The following DYSF variants were observed in gnomAD, a reference collection of about 807,000 sequenced individuals.
DYSF encodes the protein dystrophy-associated fer-1-like 1.
Under a neutral mutation model 274.9 loss-of-function variants are expected in DYSF, and 212 were observed. That is an observed-to-expected ratio of 0.77 (90% CI 0.69 to 0.86). DYSF has a LOEUF of 0.86. DYSF is among the 40% of genes least tolerant of loss of function. DYSF has a pLI of 0.00. For missense variants in DYSF, 2,666 were observed against 2,783.2 expected (o/e 0.96, Z 0.95); for synonymous variants, 1,091 against 1,078.7 (o/e 1.01, Z -0.22).
chr2:71,564,587 C>G (rs1381709736), intron 24 of DYSF, among the ~76,000 whole-genome samples: 4 of 152,308 alleles, frequency 2.6e-5, no homozygotes, highest in Admixed American at 1.3e-4. Context: ...CTTGCATGAC[C>G]TGGCTTCCAC....
intron 17 of DYSF, among the ~76,000 whole-genome samples, chr2:71,548,002 G>A (rs527751686): frequency 1.4e-4 from 22 of 152,296 alleles, no homozygotes; most frequent in African/African-American, 4.3e-4. Flanking sequence ...TGCTCTCCTC[G>A]GGCCTGCAGC....
At chr2:71,598,077 T>C (rs2093449532) in intron 32 of DYSF, among the ~76,000 whole-genome samples, 1 of 152,168 alleles carries the variant, frequency 6.6e-6, no homozygotes, top group Non-Finnish European at 1.5e-5. Context: ...ATTTTATGTC[T>C]ATTCTTCAAG....
chr2:71,483,522 G>A (rs994136150), intron 3 of DYSF, among the ~76,000 whole-genome samples: 1 of 152,174 alleles, frequency 6.6e-6, no homozygotes, highest in African/African-American at 2.4e-5. Context: ...AGGTCTCACA[G>A]GTGGGACTCA....
Position 71,668,741 on chromosome 2 carries a change from C to G in DYSF, c.5458-13C>G, listed in dbSNP as rs766666241. 9 of 1,612,616 alleles carry G rather than the reference C, an allele frequency of 5.6e-6. No homozygotes were observed. In the East Asian group the frequency reaches 2.0e-4, roughly 36 times the overall value. ...TGAGAAGGGTGGGGAGAGAACGGAC[C>G]CTGTCTCCGCAGGGGAAGCTGCAGA... On this transcript the variant is annotated splice_polypyrimidine_tract_variant and intron_variant, in intron 48 of 55. Coordinates refer to ENST00000410020, the MANE Select transcript of DYSF (RefSeq NM_001130987.2).
chr2:71,685,949 A>G (rs1573229044), intron 55 of DYSF, among the ~76,000 whole-genome samples: 1 of 152,130 alleles, frequency 6.6e-6, no homozygotes, highest in Non-Finnish European at 1.5e-5. Flanking sequence ...TGGGTCATCC[A>G]CGACAGCCCA....
chr2:71,518,034 C>T (rs2152738366), intron 10 of DYSF, among the ~76,000 whole-genome samples: 1 of 152,224 alleles, frequency 6.6e-6, no homozygotes, highest in South Asian at 2.1e-4. Context: ...GCTCTCTGCC[C>T]TGACATCACT....
rs2095290228 is a variant in DYSF, at chr2:71,681,069, C to A, written c.6132C>A (p.Gly2044=). 1 of 1,614,190 alleles carries A rather than the reference C, an allele frequency of 6.2e-7. No homozygotes were observed. The highest frequency in any genetic ancestry group is 8.5e-7 in the Non-Finnish European group (1 of 1,180,040). ...ATGAGGAGCGGCCTGCTGGCCAGGG[C>A]CGGGATGAGCCCAACATGAACCCTA... ...SEHEERPAGQ[G]RDEPNMNPKL... The change falls in exon 54 of 56, where the codon GGC becomes GGA. Residue 2044 remains glycine, a synonymous_variant. Transcript: ENST00000410020.
intron 30 of DYSF, among the ~76,000 whole-genome samples, chr2:71,583,732 C>T (rs1333831284): frequency 3.3e-5 from 5 of 152,136 alleles, no homozygotes; most frequent in East Asian, 1.9e-4. Context: ...CTGGTGGGCT[C>T]GATCTTGGTA....
chr2:71,508,815 C>A (rs1174137201), intron 4 of DYSF, among the ~76,000 whole-genome samples: 1 of 152,180 alleles, frequency 6.6e-6, no homozygotes, highest in Non-Finnish European at 1.5e-5. Context: ...TGTCATCTAA[C>A]CTTTACCCGT....
intron 32 of DYSF, among the ~76,000 whole-genome samples, chr2:71,593,582 C>T (rs2093331832): frequency 1.3e-5 from 2 of 152,226 alleles, no homozygotes; most frequent in African/African-American, 4.8e-5. Flanking sequence ...GTCCTGCCCA[C>T]CCCTTTGGTG....
intron 47 of DYSF, among the ~76,000 whole-genome samples, chr2:71,666,850 A>C (rs530688125): frequency 6.6e-6 from 1 of 152,370 alleles, no homozygotes; most frequent in Admixed American, 6.5e-5. Flanking sequence ...TAGGATCCTC[A>C]TGAAGACTAA....
intron 41 of DYSF, among the ~76,000 whole-genome samples, chr2:71,623,015 C>T (rs2094138027): frequency 6.6e-6 from 1 of 152,152 alleles, no homozygotes; most frequent in Admixed American, 6.5e-5. Flanking sequence ...TTTCCATTGT[C>T]TGTTAATATA....
chr2:71,682,225 G>A (rs2095305430), intron 54 of DYSF, among the ~76,000 whole-genome samples: 2 of 152,070 alleles, frequency 1.3e-5, no homozygotes, highest in South Asian at 4.2e-4. Flanking sequence ...TCCTGGGTCA[G>A]GAATGGGTGA....
intron 14 of DYSF, among the ~76,000 whole-genome samples, chr2:71,532,908 C>T (rs1006705347): frequency 2.0e-5 from 3 of 151,588 alleles, no homozygotes; most frequent in African/African-American, 7.3e-5. Context: ...TGCTCTGTAC[C>T]CCATCCAACA....
intron 30 of DYSF, among the ~76,000 whole-genome samples, chr2:71,580,332 G>A (rs1222920312): frequency 6.6e-6 from 1 of 152,278 alleles, no homozygotes; most frequent in East Asian, 1.9e-4. Flanking sequence ...GAGACAGGCA[G>A]CTCAAGCCTG....
Position 71,466,947 on chromosome 2 carries a change from G to C in DYSF, c.91+14G>C, listed in dbSNP as rs1383089858. 3.2e-6 allele frequency: 5 copies of C among 1,548,368 alleles called. No homozygotes were observed. Among genetic ancestry groups the C allele is most frequent in the Non-Finnish European group, 4.4e-6 (5 of 1,145,048 alleles). On this transcript the variant is annotated intron_variant, in intron 1 of 55. Transcript: ENST00000410020. ...TGACTTTCCGAGGTGAGAGCCCCGTGGCTGCCGCGCCCATGCTCGGGTGCT... is the reference window on the plus strand; with the variant it reads ...TGACTTTCCGAGGTGAGAGCCCCGTCGCTGCCGCGCCCATGCTCGGGTGCT...
chr2:71,505,595 G>A (rs75071764), intron 4 of DYSF, among the ~76,000 whole-genome samples: 4,621 of 152,302 alleles, frequency 0.03, 116 homozygotes, highest in Non-Finnish European at 0.038. Flanking sequence ...GATATAGCAC[G>A]CTGGGCTGTG....
chr2:71,625,193 T>C (rs554963264), intron 41 of DYSF, among the ~76,000 whole-genome samples: 1 of 152,302 alleles, frequency 6.6e-6, no homozygotes, highest in Non-Finnish European at 1.5e-5. Context: ...AAATTCCTAT[T>C]ATATGTATTC....
intron 41 of DYSF, among the ~76,000 whole-genome samples, chr2:71,633,880 A>C (rs768703887): frequency 7.2e-5 from 11 of 152,250 alleles, no homozygotes; most frequent in Non-Finnish European, 1.3e-4. Flanking sequence ...CACAGAAAGG[A>C]ATTATTATTG....
Sources: allele counts gnomAD v4.1 joint callset (sites outside exome capture counted in the v4.1 genomes callset), GRCh38; gene constraint gnomAD v4.1.1; transcripts MANE v1.5; gene names NCBI Gene and HGNC (gene_info 2026-07-23, HGNC 2026-07-21).